EYA1: variants seen among roughly 807,000 people sequenced by gnomAD.
The protein encoded by EYA1 is protein phosphatase EYA1.
EYA1 carries 16 observed loss-of-function variants against 82.0 expected under a neutral mutation model. The ratio of observed to expected loss-of-function variants is 0.20; its 90% CI spans 0.13 to 0.30. The LOEUF (loss-of-function observed/expected upper bound fraction) is 0.30. EYA1 is among the 10% of genes least tolerant of loss of function. EYA1 has a pLI of 1.00. For synonymous variants in EYA1, 261 were observed against 264.4 expected (o/e 0.99, Z 0.12); for missense variants, 633 against 730.7 (o/e 0.87, Z 1.54).
At chr8:71,517,828 T>C (rs529761172) in intron 2 of EYA1, among the ~76,000 whole-genome samples, 8 of 151,246 alleles carry the variant, frequency 5.3e-5, no homozygotes, top group African/African-American at 1.9e-4. Flanking sequence ...AGTATGGAAT[T>C]TCATATTTTA....
chr8:71,204,516 G>C (rs1209188568), intron 17 of EYA1, among the ~76,000 whole-genome samples: 1 of 152,184 alleles, frequency 6.6e-6, no homozygotes, highest in African/African-American at 2.4e-5. Flanking sequence ...GTAAATACTG[G>C]AAACCATCTA....
chr8:71,211,150 G>A lies in EYA1; in HGVS notation c.1698+6C>T, dbSNP rs777495150. 1.5e-5 allele frequency: 24 copies of A among 1,575,132 alleles called. No individual in the cohort carries two copies. Among genetic ancestry groups the A allele is most frequent in the Non-Finnish European group, 2.1e-5 (24 of 1,144,836 alleles). ...GAGACAAGATGCACCATCTAGGAAT[G>A]CTCACCTTTTTTGCTCCTTGTTCTT... On this transcript the variant is annotated splice_donor_region_variant and intron_variant, in intron 17 of 17. Coordinates refer to ENST00000340726, the MANE Select transcript of EYA1 (RefSeq NM_000503.6).
At chr8:71,267,902 A>G (rs1003176763) in intron 11 of EYA1, among the ~76,000 whole-genome samples, 1 of 152,246 alleles carries the variant, frequency 6.6e-6, no homozygotes, top group African/African-American at 2.4e-5. Flanking sequence ...CTAAACAAAC[A>G]AACAAATATA....
intron 3 of EYA1, among the ~76,000 whole-genome samples, chr8:71,347,693 C>T (rs1825878941): frequency 6.6e-6 from 1 of 152,088 alleles, no homozygotes; most frequent in African/African-American, 2.4e-5. Context: ...GGATTCTTTC[C>T]ACTTAAAATC....
intron 2 of EYA1, among the ~76,000 whole-genome samples, chr8:71,467,211 A>T (rs1488908094): frequency 6.6e-6 from 1 of 152,096 alleles, no homozygotes; most frequent in Non-Finnish European, 1.5e-5. Context: ...ATTTAAAACC[A>T]TATGTTTTTA....
intron 1 of EYA1, among the ~76,000 whole-genome samples, chr8:71,537,984 G>A (rs777090166): frequency 3.3e-5 from 5 of 152,284 alleles, no homozygotes; most frequent in Non-Finnish European, 5.9e-5. Flanking sequence ...TCGACTTCAG[G>A]TAGATGCCTC....
At chr8:71,330,936 T>C (rs1265913918) in intron 4 of EYA1, among the ~76,000 whole-genome samples, 1 of 151,994 alleles carries the variant, frequency 6.6e-6, no homozygotes, top group Non-Finnish European at 1.5e-5. Flanking sequence ...TCTTTTTACT[T>C]ATAAATATTT....
At chr8:71,301,537 A>G (rs1054743775) in intron 7 of EYA1, among the ~76,000 whole-genome samples, 1 of 152,210 alleles carries the variant, frequency 6.6e-6, no homozygotes, top group Admixed American at 6.5e-5. Context: ...CTTATCAAGC[A>G]TCTATGAACT....
intron 17 of EYA1, among the ~76,000 whole-genome samples, chr8:71,201,761 A>G (rs1488324063): frequency 6.6e-6 from 1 of 152,160 alleles, no homozygotes; most frequent in Non-Finnish European, 1.5e-5. Context: ...GACACATTTT[A>G]AAAGAAAACT....
intron 7 of EYA1, among the ~76,000 whole-genome samples, chr8:71,312,511 A>C (rs1290246016): frequency 6.6e-6 from 1 of 152,194 alleles, no homozygotes; most frequent in Non-Finnish European, 1.5e-5. Flanking sequence ...CAGTGGCACG[A>C]TCTTGTCTCA....
intron 2 of EYA1, among the ~76,000 whole-genome samples, chr8:71,521,766 CTG>C (rs996684098): frequency 2.0e-5 from 3 of 152,126 alleles, no homozygotes; most frequent in African/African-American, 2.4e-5. Context: ...AAGCATGACT[CTG>C]TTATACTTTT....
rs141497048 is a variant in EYA1, at chr8:71,293,769, A to G, written c.826+5278T>C. 2.9e-3 allele frequency among the ~76,000 whole-genome samples: 437 copies of G among 149,934 alleles called. 4 individuals are homozygous for G. Among genetic ancestry groups the G allele is most frequent in the African/African-American group, 8.7e-3 (358 of 41,226 alleles). On this transcript the variant is annotated intron_variant, in intron 9 of 17. Transcript: ENST00000340726. ...TAATAAAAAAACTCAGTAATCTAGG[A>G]AAGGGGAGAGAGCTTCCTAAAGCTG... is the stretch of plus-strand genomic sequence containing the variant.
chr8:71,471,066 G>A (rs2129200949), intron 2 of EYA1: 2 of 356,716 alleles, frequency 5.6e-6, no homozygotes, highest in Non-Finnish European at 1.1e-5. Flanking sequence ...AACAATGTGT[G>A]GTACAAAATG....
intron 9 of EYA1, among the ~76,000 whole-genome samples, chr8:71,274,940 G>C (rs1043439133): frequency 1.3e-5 from 2 of 152,190 alleles, no homozygotes; most frequent in Non-Finnish European, 2.9e-5. Context: ...GCGAGTGAAC[G>C]AGAGCAAGCG....
At chr8:71,288,148 G>A (rs997019904) in intron 9 of EYA1, among the ~76,000 whole-genome samples, 7 of 152,090 alleles carry the variant, frequency 4.6e-5, no homozygotes, top group African/African-American at 1.7e-4. Flanking sequence ...GGTGGAAAGT[G>A]GTACCCAACC....
chr8:71,306,395 AATC>A (rs140751077), intron 7 of EYA1, among the ~76,000 whole-genome samples: 4,189 of 152,184 alleles, frequency 0.028, 185 homozygotes, highest in African/African-American at 0.096. Context: ...ATGTCCAACA[AATC>A]ATCATTAGTA....
At chr8:71,211,046 C>T in intron 17 of EYA1, 110 bp downstream of exon 17, 1 of 774,508 alleles carries the variant, frequency 1.3e-6, no homozygotes. Context: ...GAGTACTGCA[C>T]ATATTCATCA....
chr8:71,380,334 G>A (rs150255400), intron 2 of EYA1, among the ~76,000 whole-genome samples: 3 of 152,146 alleles, frequency 2.0e-5, no homozygotes, highest in African/African-American at 7.2e-5. Context: ...GAGGAGAATT[G>A]CCTCCTTGGG....
At chr8:71,275,937 C>T (rs1338936791) in intron 9 of EYA1, among the ~76,000 whole-genome samples, 1 of 152,216 alleles carries the variant, frequency 6.6e-6, no homozygotes. Context: ...ACTTCCCTTA[C>T]TTCTGCTTTA....
Sources: gnomAD v4.1 joint callset for allele counts (sites outside exome capture counted in the v4.1 genomes callset) on GRCh38, gnomAD v4.1.1 for gene constraint, MANE v1.5 for transcripts, NCBI Gene and HGNC (gene_info 2026-07-23, HGNC 2026-07-21) for gene names.